RBFOX1: variants seen among roughly 807,000 people sequenced by gnomAD.
RBFOX1 encodes the protein RNA binding fox-1 homolog 1, also known as RNA binding protein fox-1 homolog 1.
In RBFOX1, 8 loss-of-function variants were observed where a neutral mutation model predicts 57.7. The observed-to-expected ratio is 0.14, with a 90% CI of 0.08 to 0.25. The LOEUF (loss-of-function observed/expected upper bound fraction) is 0.25, where lower values mean the gene tolerates loss of function less well. RBFOX1 is among the 10% of genes least tolerant of loss of function. The probability of loss-of-function intolerance (pLI) is 1.00; values close to 1 mark genes in which losing one functional copy is unlikely to be tolerated. For synonymous variants in RBFOX1, 326 were observed against 222.4 expected, an observed-to-expected ratio of 1.47 and a Z score of -4.15; for missense variants, 611 against 548.5, an observed-to-expected ratio of 1.11 and a Z score of -1.14.
At chr16:6,223,659 C>G (rs891869184) in intron 1 of RBFOX1, among the ~76,000 whole-genome samples, 3 of 152,150 alleles carry the variant, frequency 2.0e-5, no homozygotes, top group African/African-American at 7.2e-5. Context: ...GTCGCCTGTT[C>G]ACTCTGATGG....
chr16:7,275,634 A>G (rs1274181614), intron 4 of RBFOX1, among the ~76,000 whole-genome samples: 1 of 150,376 alleles, frequency 6.6e-6, no homozygotes. Flanking sequence ...ATCTGTGCAA[A>G]TGATGAGCTT....
intron 4 of RBFOX1, among the ~76,000 whole-genome samples, chr16:5,972,971 A>G (rs2152301230): frequency 6.6e-6 from 1 of 152,320 alleles, no homozygotes; most frequent in South Asian, 2.1e-4. Context: ...TGAGTCCCGT[A>G]TAGCTACAGA....
rs33948007 is a variant in RBFOX1 at position 6,682,870 on chromosome 16, T to TAAA, written c.-16+28234_-16+28236dup. On this transcript the variant is annotated intron_variant, in intron 3 of 15. Coordinates refer to ENST00000550418, the MANE Select transcript of RBFOX1 (RefSeq NM_018723.4). ...AACATTTTTGAAAAAAGAAAAGAATTAAAAAAAAAAAAAAAAGGAAATGGA... is the reference window on the plus strand; with the variant it reads ...AACATTTTTGAAAAAAGAAAAGAATTAAAAAAAAAAAAAAAAAAAGGAAATGGA... Among the ~76,000 whole-genome samples, 340 of 115,798 alleles carry TAAA rather than the reference T, an allele frequency of 2.9e-3. 4 individuals are homozygous for TAAA. The highest frequency in any genetic ancestry group is 0.018 in the East Asian group (75 of 4,248). 76.0% of individuals were successfully genotyped at this position (115,798 alleles called of 152,430 possible). A position where few individuals can be genotyped will look rare whatever the true frequency, so the allele number is the denominator to read the frequency against.
intron 2 of RBFOX1, among the ~76,000 whole-genome samples, chr16:6,507,411 C>T (rs2096129142): frequency 6.9e-6 from 1 of 144,632 alleles, no homozygotes; most frequent in East Asian, 2.0e-4. Flanking sequence ...AGGCTAATGC[C>T]TGTAATCCCA....
chr16:7,567,084 T>TGTGTATATATCCCTATATATGTATATCC (rs1427716551), intron 5 of RBFOX1, among the ~76,000 whole-genome samples: 4 of 135,832 alleles, frequency 2.9e-5, no homozygotes, highest in Admixed American at 7.8e-5. Context: ...AAGCTGGATA[T>TGTGTATATATCCCTATATATGTATATCC]ATATATATCT....
intron 2 of RBFOX1, among the ~76,000 whole-genome samples, chr16:6,559,465 A>C (rs928652675): frequency 2.0e-5 from 3 of 152,000 alleles, no homozygotes; most frequent in African/African-American, 7.3e-5. Context: ...GAAAGAGGAG[A>C]AGAGTTTATC....
rs116102225 is a variant in RBFOX1, at chr16:7,006,848, C to A, written c.-15-45209C>A. On this transcript the variant is annotated intron_variant, in intron 3 of 15. Coordinates refer to ENST00000550418, the MANE Select transcript of RBFOX1 (RefSeq NM_018723.4). ...CCTCAGCTCCCAAGCAGTGGAATCA[C>A]ACTTTGAACCCTGCCATTTTCTGTC... Among the ~76,000 whole-genome samples, 1,045 of 152,308 alleles carry A rather than the reference C, an allele frequency of 6.9e-3. 15 individuals are homozygous for A. The highest frequency in any genetic ancestry group is 0.024 in the African/African-American group (996 of 41,580).
At chr16:7,480,894 G>T (rs2063769912) in intron 4 of RBFOX1, among the ~76,000 whole-genome samples, 2 of 152,202 alleles carry the variant, frequency 1.3e-5, no homozygotes, top group African/African-American at 4.8e-5. Flanking sequence ...CTGAGGGGAT[G>T]CGAGGGACCT....
At chr16:7,201,351 G>A (rs904770731) in intron 4 of RBFOX1, among the ~76,000 whole-genome samples, 5 of 152,156 alleles carry the variant, frequency 3.3e-5, no homozygotes, top group South Asian at 2.1e-4. Flanking sequence ...ATCAAGTCCT[G>A]TGTCTCCTAT....
At chr16:6,349,980 T>C (rs978479743) in intron 2 of RBFOX1, among the ~76,000 whole-genome samples, 3 of 152,262 alleles carry the variant, frequency 2.0e-5, no homozygotes, top group East Asian at 1.9e-4. Context: ...GTGTCTCTCC[T>C]TGGCAAAACA....
At chr16:6,709,346 G>C (rs914784973) in intron 3 of RBFOX1, among the ~76,000 whole-genome samples, 3 of 152,032 alleles carry the variant, frequency 2.0e-5, no homozygotes, top group Non-Finnish European at 4.4e-5. Flanking sequence ...GTTTCATTTT[G>C]CTCTTGATTT....
chr16:7,638,404 C>T (rs566923520), intron 11 of RBFOX1, among the ~76,000 whole-genome samples: 1 of 115,276 alleles, frequency 8.7e-6, no homozygotes, highest in South Asian at 3.8e-4. Flanking sequence ...AAGCCGCCTT[C>T]TTCACTACTC....
At chr16:5,440,743 G>A (rs2151538067) in intron 1 of RBFOX1, among the ~76,000 whole-genome samples, 1 of 152,240 alleles carries the variant, frequency 6.6e-6, no homozygotes, top group East Asian at 1.9e-4. Context: ...GGCAGCAGTG[G>A]TGGTGATAGG....
At chr16:5,944,539 G>A (rs570154350) in intron 4 of RBFOX1, among the ~76,000 whole-genome samples, 1 of 152,038 alleles carries the variant, frequency 6.6e-6, no homozygotes, top group Admixed American at 6.5e-5. Context: ...TGCAAATCCC[G>A]AGTTGGTCCC....
intron 2 of RBFOX1, among the ~76,000 whole-genome samples, chr16:5,500,885 C>G (rs1042096575): frequency 1.5e-4 from 23 of 152,146 alleles, no homozygotes; most frequent in African/African-American, 5.6e-4. Flanking sequence ...CACATAGATC[C>G]CAAACTCCAG....
intron 3 of RBFOX1, among the ~76,000 whole-genome samples, chr16:6,892,517 A>G (rs1400576283): frequency 6.6e-6 from 1 of 152,108 alleles, no homozygotes; most frequent in Non-Finnish European, 1.5e-5. Context: ...TAAAAATACA[A>G]AAATTAGCTG....
chr16:7,001,398 T>TGTATGTGTATGTGTATTTGTATATGTATA (rs2092782327), intron 3 of RBFOX1, among the ~76,000 whole-genome samples: 16 of 100,924 alleles, frequency 1.6e-4, no homozygotes, highest in African/African-American at 5.2e-4. Flanking sequence ...GTATGTGTAT[T>TGTATGTGTATGTGTATTTGTATATGTATA]TGTATATGTA....
intron 4 of RBFOX1, among the ~76,000 whole-genome samples, chr16:7,290,683 A>T (rs895384251): frequency 2.0e-5 from 3 of 152,246 alleles, no homozygotes; most frequent in African/African-American, 7.2e-5. Context: ...GGTGGTGAGC[A>T]TGCAACATTA....
chr16:7,438,010 T>A (rs1353239191), intron 4 of RBFOX1, among the ~76,000 whole-genome samples: 1 of 152,150 alleles, frequency 6.6e-6, no homozygotes, highest in Non-Finnish European at 1.5e-5. Flanking sequence ...CGTGGAATAA[T>A]CCCTGCATGT....
Sources: gnomAD v4.1 joint callset for allele counts (sites outside exome capture counted in the v4.1 genomes callset) on GRCh38, gnomAD v4.1.1 for gene constraint, MANE v1.5 for transcripts, NCBI Gene and HGNC (gene_info 2026-07-23, HGNC 2026-07-21) for gene names.